The following ZNF641 variants were observed in gnomAD, a reference collection of about 807,000 sequenced individuals.
The protein encoded by ZNF641 is zinc finger protein 641.
A neutral mutation model predicts 46.2 loss-of-function variants in ZNF641; 26 were observed. That is an observed-to-expected ratio of 0.56 (90% CI 0.41 to 0.78). The LOEUF is 0.78. Among genes scored for constraint, ZNF641 ranks in the 30% least tolerant of loss-of-function variants. ZNF641 has a pLI of 0.00. For missense variants in ZNF641, 469 were observed against 517.8 expected, an observed-to-expected ratio of 0.91 and a Z score of 0.91; for synonymous variants, 163 against 187.9, an observed-to-expected ratio of 0.87 and a Z score of 1.09.
Position 48,343,186 on chromosome 12 carries a change from C to T in ZNF641, c.1062G>A (p.Val354=). The change falls in exon 6 of 6, where the codon GTG becomes GTA. Residue 354 remains valine, a synonymous_variant. Transcript: ENST00000547026. ...GTRKRQRAPP[V]PKCHVCTECG... ...ATTCAGTGCACACGTGACACTTTGG[C>T]ACTGGTGGGGCACGCTGCCGTTTCC... 6.2e-7 allele frequency: 1 copy of T among 1,614,182 alleles called. No homozygotes were observed. Among genetic ancestry groups the T allele is most frequent in the Non-Finnish European group, 8.5e-7 (1 of 1,179,998 alleles).
At position 48,340,441 on chromosome 12, in the gene ZNF641, A is replaced by G. The variant is rs767989269; in HGVS notation, c.*2532T>C. The G allele has an allele frequency of 1.0e-6, 1 of 985,484 alleles. No individual in the cohort carries two copies. The highest frequency in any genetic ancestry group is 1.7e-5 in the African/African-American group (1 of 57,380). The allele number at this position is 985,484 out of a possible 1,614,324, so 61.0% of individuals were successfully genotyped here. On this transcript the variant is annotated 3_prime_UTR_variant, in exon 6 of 6. Coordinates refer to ENST00000547026, the MANE Select transcript of ZNF641 (RefSeq NM_001172681.2). ...TTTGTGAGGAGCTGGATTTGTCAGC[A>G]TGTCAGATCTTTTTGAAAACCAGAG...
At position 48,339,176 on chromosome 12, in the gene ZNF641, G is replaced by A. The variant is rs1443540390; in HGVS notation, c.*3797C>T. On this transcript the variant is annotated 3_prime_UTR_variant, in exon 6 of 6. Transcript: ENST00000547026. The stretch of plus-strand genomic sequence containing the variant: ...CCAGTTCTTTTACTGAGTTAAGAGT[G>A]GAAGAAGACCTTGCAACTAAGGGGA... The A allele has an allele frequency of 2.0e-5, 3 of 152,128 alleles. No homozygotes were observed. Among genetic ancestry groups the A allele is most frequent in the Non-Finnish European group, 2.9e-5 (2 of 68,056 alleles). The allele number at this position is 152,128 out of a possible 1,614,324, so 9.4% of individuals were successfully genotyped here.
chr12:48,343,020 C>G lies in ZNF641; in HGVS notation c.1228G>C (p.Gly410Arg), dbSNP rs1041187530. 2 of 1,613,986 alleles carry G rather than the reference C, an allele frequency of 1.2e-6. No individual in the cohort carries two copies. The highest frequency in any genetic ancestry group is 1.7e-6 in the Non-Finnish European group (2 of 1,179,986). ...HLDRHLLTHQ[G>R]QSPRNSWDRG... ...TCCCAGCTGTTCCGGGGACTTTGTCCCTGGTGGGTGAGCAGGTGCCTGTCC... is the reference window on the plus strand; with the variant it reads ...TCCCAGCTGTTCCGGGGACTTTGTCGCTGGTGGGTGAGCAGGTGCCTGTCC... Residue 410 changes from glycine to arginine, a missense_variant, in exon 6 of 6, where the codon GGA becomes CGA. Physicochemically the swap from Gly to Arg is moderately radical, Grantham distance 125. Coordinates refer to ENST00000547026, the MANE Select transcript of ZNF641 (RefSeq NM_001172681.2).
chr12:48,348,601 T>G (rs1952945326), intron 1 of ZNF641, among the ~76,000 whole-genome samples: 1 of 152,126 alleles, frequency 6.6e-6, no homozygotes. Context: ...TTACTATAGG[T>G]AAAAGTCCCA....
Position 48,350,796 on chromosome 12 carries a change from C to A in ZNF641, c.-36G>T. The A allele has an allele frequency of 1.0e-6, 1 of 983,758 alleles. No individual in the cohort carries two copies. Among genetic ancestry groups the A allele is most frequent in the Non-Finnish European group, 1.2e-6 (1 of 828,408 alleles). 60.9% of individuals were successfully genotyped at this position (983,758 alleles called of 1,614,324 possible). ...CCCGGCTCCACTCACCCCCGGTAGG[C>A]TTGGCCCGCGGCCCGGTGCCTCCCT... On this transcript the variant is annotated 5_prime_UTR_variant, in exon 1 of 6. Coordinates refer to ENST00000547026, the MANE Select transcript of ZNF641 (RefSeq NM_001172681.2).
At position 48,344,188 on chromosome 12, in the gene ZNF641, C is replaced by T. The variant is rs542022280; in HGVS notation, c.520+411G>A. Among the ~76,000 whole-genome samples the T allele has an allele frequency of 9.8e-5, 15 of 152,336 alleles. No homozygotes were observed. In the South Asian group the frequency reaches 1.9e-3, roughly 19 times the overall value. On this transcript the variant is annotated intron_variant, in intron 5 of 5. Coordinates refer to ENST00000547026, the MANE Select transcript of ZNF641 (RefSeq NM_001172681.2). ...CAGAATGTGCCGCAATTGTCACTGG[C>T]TGAATGACACCTGTCGGCAGTCCTC...
chr12:48,347,782 T>C, intron 2 of ZNF641, 125 bp downstream of exon 2: 2 of 883,688 alleles, frequency 2.3e-6, no homozygotes, highest in Non-Finnish European at 3.4e-6. Context: ...TGAGAAAGAA[T>C]GGGCTGGTCC....
intron 3 of ZNF641, among the ~76,000 whole-genome samples, chr12:48,346,534 T>C (rs767163298): frequency 5.9e-5 from 9 of 152,174 alleles, no homozygotes; most frequent in Non-Finnish European, 1.3e-4. Flanking sequence ...TGCCCCTCTT[T>C]ATAACCTTCT....
In ZNF641 at chr12:48,340,781, T is replaced by C. The variant is rs2634680; in HGVS notation, c.*2192A>G. The C allele has an allele frequency of 0.31, 306,321 of 985,258 alleles. 50,277 individuals carry two copies. The highest frequency in any genetic ancestry group is 0.38 in the South Asian group (8,068 of 21,278). The allele number at this position is 985,258 out of a possible 1,614,324, so 61.0% of individuals were successfully genotyped here. A position where few individuals can be genotyped will look rare whatever the true frequency, so the allele number is the denominator to read the frequency against. On this transcript the variant is annotated 3_prime_UTR_variant, in exon 6 of 6. Coordinates refer to ENST00000547026, the MANE Select transcript of ZNF641 (RefSeq NM_001172681.2). ...TGTACCCAAGACAGGTTCTGAACCA[T>C]TGCTTATGCAGAGCTTTTAGTATTA...
chr12:48,341,007 A>G lies in ZNF641; in HGVS notation c.*1966T>C, dbSNP rs553431460. On this transcript the variant is annotated 3_prime_UTR_variant, in exon 6 of 6. Transcript: ENST00000547026. ...AGAGAACTGCATTCCAGGAAGAATG[A>G]AGGAAGAAGGAAGGCTGCTCACAGT... 2.9e-5 allele frequency: 24 copies of G among 824,578 alleles called. No individual in the cohort carries two copies. In the African/African-American group the frequency reaches 4.3e-4, roughly 15 times the overall value. The allele number at this position is 824,578 out of a possible 1,614,324, so 51.1% of individuals were successfully genotyped here. A position where few individuals can be genotyped will look rare whatever the true frequency, so the allele number is the denominator to read the frequency against.
At position 48,342,966 on chromosome 12, in the gene ZNF641, A is replaced by G. The variant is rs764894847; in HGVS notation, c.*7T>C. ...AGACTTGACCATAGCTGTAGTGGAA[A>G]CAGATTTCAAAAGACAGATGTTCCT... On this transcript the variant is annotated 3_prime_UTR_variant, in exon 6 of 6. Transcript: ENST00000547026. 1.2e-6 allele frequency: 2 copies of G among 1,602,166 alleles called. No individual in the cohort carries two copies. The highest frequency in any genetic ancestry group is 1.7e-6 in the Non-Finnish European group (2 of 1,174,456).
At position 48,340,139 on chromosome 12, in the gene ZNF641, CTTGTT is replaced by C. The variant is rs1292975431; in HGVS notation, c.*2829_*2833del. ...CTATTCACTCATCTGATGGCTGTTG[CTTGTT>C]TTATTTTTTGTCCAAGAGAGGTGGT... On this transcript the variant is annotated 3_prime_UTR_variant, in exon 6 of 6. Coordinates refer to ENST00000547026, the MANE Select transcript of ZNF641 (RefSeq NM_001172681.2). 19 of 985,290 alleles carry C rather than the reference CTTGTT, an allele frequency of 1.9e-5. No individual in the cohort carries two copies. In the Admixed American group the frequency reaches 9.2e-4, roughly 48 times the overall value. 61.0% of individuals were successfully genotyped at this position (985,290 alleles called of 1,614,324 possible). A position where few individuals can be genotyped will look rare whatever the true frequency, so the allele number is the denominator to read the frequency against.
chr12:48,350,353 A>G, intron 1 of ZNF641: 1 of 737,724 alleles, frequency 1.4e-6, no homozygotes, highest in Non-Finnish European at 2.0e-6. Context: ...CGGGTAGGGC[A>G]TGGGCGGGAC....
At chr12:48,345,219 C>A in intron 4 of ZNF641, 126 bp downstream of exon 4, 3 of 1,053,696 alleles carry the variant, frequency 2.8e-6, no homozygotes, top group Non-Finnish European at 4.0e-6. Context: ...CTTTCTCCAG[C>A]GGAAGCATAG....
At chr12:48,347,182 G>A in intron 3 of ZNF641, 70 bp downstream of exon 3, 1 of 1,611,218 alleles carries the variant, frequency 6.2e-7, no homozygotes, top group South Asian at 1.1e-5. Context: ...TCATCAATGG[G>A]CTGATGCGAA....
chr12:48,342,778 A>G lies in ZNF641; in HGVS notation c.*195T>C, dbSNP rs1952750415. On this transcript the variant is annotated 3_prime_UTR_variant, in exon 6 of 6. Transcript: ENST00000547026. ...CATTGCTTCCCAAAAGTTTTGCCCA[A>G]AGAACTCTATTTTTATGTGCTATCT... 7.1e-7 allele frequency: 1 copy of G among 1,411,084 alleles called. No homozygotes were observed. Among genetic ancestry groups the G allele is most frequent in the Admixed American group, 3.1e-5 (1 of 31,916 alleles). The allele number at this position is 1,411,084 out of a possible 1,614,324, so 87.4% of individuals were successfully genotyped here. A position where few individuals can be genotyped will look rare whatever the true frequency, so the allele number is the denominator to read the frequency against.
chr12:48,336,571 G>A (rs778131705), downstream of ZNF641, among the ~76,000 whole-genome samples: 1 of 152,154 alleles, frequency 6.6e-6, no homozygotes, highest in South Asian at 2.1e-4. Context: ...TCCAAGAGGG[G>A]AGGCTTTGTC....
intron 2 of ZNF641, 143 bp from the exon 3 acceptor site, chr12:48,347,486 A>C (rs1454028918): frequency 1.0e-5 from 7 of 694,314 alleles, no homozygotes; most frequent in Non-Finnish European, 1.4e-5. Context: ...AATGTAGATG[A>C]GAAGGCCATC....
In ZNF641 at chr12:48,345,398, T is replaced by C; in HGVS notation, c.353A>G (p.Asp118Gly). The C allele has an allele frequency of 1.2e-6, 2 of 1,614,132 alleles. No homozygotes were observed. The highest frequency in any genetic ancestry group is 1.7e-6 in the Non-Finnish European group (2 of 1,179,998). Reference sequence around the variant, plus strand: ...CTGCATGACATATTCTCCATAAAAGTCTGTCTGAGAGGGGTCCAGGCTCCG... The same window carrying C: ...CTGCATGACATATTCTCCATAAAAGCCTGTCTGAGAGGGGTCCAGGCTCCG... ...EWRSLDPSQT[D>G]FYGEYVMQEN... The change falls in exon 4 of 6, where the codon GAC (aspartate) becomes GGC (glycine). Residue 118 changes from aspartate (D) to glycine (G), a missense_variant. By Grantham distance (94) the Asp-to-Gly change is moderately conservative. Coordinates refer to ENST00000547026, the MANE Select transcript of ZNF641 (RefSeq NM_001172681.2).
Sources: gnomAD v4.1 joint callset for allele counts (sites outside exome capture counted in the v4.1 genomes callset) on GRCh38, gnomAD v4.1.1 for gene constraint, MANE v1.5 for transcripts, NCBI Gene and HGNC (gene_info 2026-07-23, HGNC 2026-07-21) for gene names.